Variants in FBXW10B observed in about 807,000 individuals in gnomAD.
The protein encoded by FBXW10B is F-box and WD repeat domain containing protein 10B.
the FBXW10B span, among the ~76,000 whole-genome samples, chr17:15,605,788 T>C: frequency 6.6e-6 from 1 of 151,752 alleles, no homozygotes; most frequent in Admixed American, 6.6e-5. Context: ...AGTTGGGAAG[T>C]CCTGTGCACA....
chr17:15,612,844 C>CAAAA, the FBXW10B span: 2 of 1,577,126 alleles, frequency 1.3e-6, no homozygotes, highest in African/African-American at 3.1e-5. Context: ...AAAAAAAAAC[C>CAAAA]AAAAATAAAA....
chr17:15,611,445 T>G, the FBXW10B span, among the ~76,000 whole-genome samples: 1 of 152,308 alleles, frequency 6.6e-6, no homozygotes, highest in South Asian at 2.1e-4. Flanking sequence ...ACTTAGATGG[T>G]CTAGCGGTCA....
the FBXW10B span, among the ~76,000 whole-genome samples, chr17:15,601,319 G>A: frequency 6.9e-6 from 1 of 145,864 alleles, no homozygotes; most frequent in African/African-American, 2.5e-5. Context: ...TGAGGAAGGA[G>A]AATGGCGTGA....
At chr17:15,610,878 C>T in the FBXW10B span, among the ~76,000 whole-genome samples, 1 of 152,142 alleles carries the variant, frequency 6.6e-6, no homozygotes, top group African/African-American at 2.4e-5. Context: ...AAAGCAGGTC[C>T]ACGTTCAAAT....
chr17:15,595,436 GA>G, the FBXW10B span, among the ~76,000 whole-genome samples: 1 of 152,310 alleles, frequency 6.6e-6, no homozygotes, highest in East Asian at 1.9e-4. Flanking sequence ...GGTTAAGGAG[GA>G]ATGGGATCAG....
chr17:15,593,193 G>C, the FBXW10B span: 6 of 1,264,226 alleles, frequency 4.7e-6, no homozygotes, highest in African/African-American at 9.1e-5. Flanking sequence ...CAAGACTATT[G>C]CTCCACCCAG....
the FBXW10B span, among the ~76,000 whole-genome samples, chr17:15,600,762 A>T: frequency 6.6e-6 from 1 of 151,994 alleles, no homozygotes; most frequent in Admixed American, 6.6e-5. Context: ...AAGATAATAT[A>T]TTGTCGGCCG....
At chr17:15,616,807 G>C in the FBXW10B span, among the ~76,000 whole-genome samples, 3 of 99,604 alleles carry the variant, frequency 3.0e-5, no homozygotes, top group Non-Finnish European at 5.3e-5. Flanking sequence ...GTGAGACTCT[G>C]TCTCAAAAAA....
chr17:15,575,388 C>T, the FBXW10B span, among the ~76,000 whole-genome samples: 1 of 145,838 alleles, frequency 6.9e-6, no homozygotes, highest in African/African-American at 2.8e-5. Flanking sequence ...CTTCTGACTT[C>T]ATATTTGACA....
the FBXW10B span, among the ~76,000 whole-genome samples, chr17:15,591,276 A>G: frequency 6.6e-6 from 1 of 152,180 alleles, no homozygotes; most frequent in Non-Finnish European, 1.5e-5. Flanking sequence ...TAAACTGCTA[A>G]TAGTCATGTT....
At chr17:15,567,210 T>C in the FBXW10B span, among the ~76,000 whole-genome samples, 1 of 150,632 alleles carries the variant, frequency 6.6e-6, no homozygotes, top group Non-Finnish European at 1.5e-5. Flanking sequence ...AGGCAGAGGT[T>C]GCAGTGAGCC....
At chr17:15,569,716 C>T in the FBXW10B span, among the ~76,000 whole-genome samples, 584 of 151,818 alleles carry the variant, frequency 3.8e-3, 9 homozygotes, top group African/African-American at 0.013. Context: ...ATTACAAGTG[C>T]GAGCCAACAC....
At chr17:15,611,940 G>C in the FBXW10B span, among the ~76,000 whole-genome samples, 1 of 152,190 alleles carries the variant, frequency 6.6e-6, no homozygotes, top group South Asian at 2.1e-4. Context: ...ACCTGAAAGT[G>C]AGGGATGAGG....
At chr17:15,580,178 T>G in the FBXW10B span, among the ~76,000 whole-genome samples, 3 of 152,062 alleles carry the variant, frequency 2.0e-5, no homozygotes, top group Admixed American at 6.5e-5. Context: ...AAAGAATTTT[T>G]TTGTTCAAGA....
At chr17:15,569,268 G>GAGTT in the FBXW10B span, among the ~76,000 whole-genome samples, 1 of 151,966 alleles carries the variant, frequency 6.6e-6, no homozygotes, top group African/African-American at 2.4e-5. Context: ...CAGTGTGTAA[G>GAGTT]AGTTCCCTTT....
the FBXW10B span, among the ~76,000 whole-genome samples, chr17:15,601,245 T>C: frequency 7.1e-6 from 1 of 141,490 alleles, no homozygotes; most frequent in Non-Finnish European, 1.6e-5. Context: ...CCGTCTCTAC[T>C]AAAAATACAA....
chr17:15,573,414 A>G, the FBXW10B span: 3 of 152,218 alleles, frequency 2.0e-5, no homozygotes, highest in African/African-American at 4.8e-5. Context: ...CCAGCCATCT[A>G]AATATAGGCT....
chr17:15,583,212 T>C, the FBXW10B span, among the ~76,000 whole-genome samples: 1 of 126,922 alleles, frequency 7.9e-6, no homozygotes, highest in African/African-American at 2.7e-5. Flanking sequence ...TCTCCAGATA[T>C]GTGGAACATA....
At chr17:15,588,855 G>C in the FBXW10B span, 20 of 1,613,854 alleles carry the variant, frequency 1.2e-5, no homozygotes, top group African/African-American at 2.7e-5. Context: ...TTTCCAGCCC[G>C]TTGCTAGCTG....
Sources: gnomAD v4.1 joint callset for allele counts (sites outside exome capture counted in the v4.1 genomes callset) on GRCh38, gnomAD v4.1.1 for gene constraint, MANE v1.5 for transcripts, NCBI Gene and HGNC (gene_info 2026-07-23, HGNC 2026-07-21) for gene names.